Variants in PRUNE2 observed in about 807,000 individuals in gnomAD.
PRUNE2 encodes the protein prune homolog 2 with BCH domain.
In PRUNE2, 164 loss-of-function variants were observed where a neutral mutation model predicts 252.0. The ratio of observed to expected loss-of-function variants is 0.65; its 90% CI spans 0.57 to 0.74. The LOEUF (loss-of-function observed/expected upper bound fraction) is 0.74. Among genes scored for constraint, PRUNE2 ranks in the 30% least tolerant of loss-of-function variants. The pLI is 0.00. For missense variants in PRUNE2, 3,495 were observed against 3,711.0 expected (o/e 0.94, Z 1.51); for synonymous variants, 1,292 against 1,350.2 (o/e 0.96, Z 0.94).
At chr9:76,848,160 A>T (rs1305162645) in intron 3 of PRUNE2, among the ~76,000 whole-genome samples, 1 of 152,204 alleles carries the variant, frequency 6.6e-6, no homozygotes, top group Non-Finnish European at 1.5e-5. Context: ...GCTACTCAGG[A>T]GGCCGAGGCA....
chr9:76,722,224 A>ATT (rs57390775), intron 6 of PRUNE2, among the ~76,000 whole-genome samples: 1,522 of 130,546 alleles, frequency 0.012, 25 homozygotes, highest in African/African-American at 0.037. Context: ...ACACCCTGCT[A>ATT]TTTTTTTTTT....
intron 6 of PRUNE2, among the ~76,000 whole-genome samples, chr9:76,818,586 A>G (rs890243157): frequency 9.2e-5 from 14 of 152,146 alleles, no homozygotes; most frequent in African/African-American, 3.4e-4. Context: ...TCTGAGGCCC[A>G]GAGCACAGCA....
chr9:76,762,398 CAG>C (rs2051824739), intron 6 of PRUNE2, among the ~76,000 whole-genome samples: 1 of 152,272 alleles, frequency 6.6e-6, no homozygotes, highest in South Asian at 2.1e-4. Context: ...GAAATGTGCG[CAG>C]AGAGAGCAAC....
chr9:76,693,439 C>CTTTTTTTTTTTT lies in PRUNE2; in HGVS notation c.8276+9886_8276+9897dup, dbSNP rs550030416. Among the ~76,000 whole-genome samples the CTTTTTTTTTTTT allele has an allele frequency of 5.5e-4, 59 of 108,036 alleles. 4 individuals are homozygous for CTTTTTTTTTTTT. Among genetic ancestry groups the CTTTTTTTTTTTT allele is most frequent in the African/African-American group, 1.8e-3 (49 of 27,048 alleles). The allele number at this position is 108,036 out of a possible 152,430, so 70.9% of individuals were successfully genotyped here. A position where few individuals can be genotyped will look rare whatever the true frequency, so the allele number is the denominator to read the frequency against. ...TGCTTAAGAGATGTTAGCACCTACT[C>CTTTTTTTTTTTT]TTTTTTTTTTTTTTTTTTTTTGGAG... On this transcript the variant is annotated intron_variant, in intron 9 of 18. Transcript: ENST00000376718.
chr9:76,748,694 G>A (rs115590323), intron 6 of PRUNE2: 12 of 152,200 alleles, frequency 7.9e-5, no homozygotes, highest in African/African-American at 2.2e-4. Flanking sequence ...CAGTGGAGGC[G>A]TCTTAAATCT....
intron 9 of PRUNE2, among the ~76,000 whole-genome samples, chr9:76,685,444 T>G (rs182816718): frequency 3.8e-4 from 58 of 152,320 alleles, no homozygotes; most frequent in Non-Finnish European, 6.6e-4. Flanking sequence ...TCCTCCAAGA[T>G]TCTTATGTTG....
chr9:76,693,000 A>G (rs1454187272), intron 9 of PRUNE2: 1 of 79,458 alleles, frequency 1.3e-5, no homozygotes, highest in Non-Finnish European at 2.2e-5. Flanking sequence ...CCCCCCTCCA[A>G]AAAAAAAAAA....
intron 2 of PRUNE2, among the ~76,000 whole-genome samples, chr9:76,852,818 A>G (rs774188675): frequency 7.8e-5 from 3 of 38,614 alleles, no homozygotes; most frequent in Admixed American, 4.1e-4. Context: ...CTATCTATCT[A>G]TCTATCTATC....
chr9:76,716,137 A>C (rs1320328442), intron 6 of PRUNE2, among the ~76,000 whole-genome samples: 1 of 152,194 alleles, frequency 6.6e-6, no homozygotes, highest in Non-Finnish European at 1.5e-5. Flanking sequence ...TCTGAGCATA[A>C]GATTAAGAAT....
chr9:76,867,160 C>G (rs1039172621), intron 1 of PRUNE2, among the ~76,000 whole-genome samples: 8 of 152,022 alleles, frequency 5.3e-5, no homozygotes, highest in Non-Finnish European at 1.0e-4. Flanking sequence ...CCTTTCTCCT[C>G]CCCCACCAAC....
At chr9:76,697,015 A>C (rs1286418850) in intron 9 of PRUNE2, among the ~76,000 whole-genome samples, 1 of 151,884 alleles carries the variant, frequency 6.6e-6, no homozygotes, top group East Asian at 1.9e-4. Flanking sequence ...AATCTCTCAA[A>C]TTTTCCTAAT....
chr9:76,640,809 G>T (rs1045134581), intron 12 of PRUNE2, among the ~76,000 whole-genome samples: 2 of 152,140 alleles, frequency 1.3e-5, no homozygotes, highest in African/African-American at 4.8e-5. Flanking sequence ...AAAGACAGAC[G>T]TTCATTAAAA....
At chr9:76,677,426 T>C (rs574206986) in intron 9 of PRUNE2, among the ~76,000 whole-genome samples, 205 of 152,332 alleles carry the variant, frequency 1.3e-3, no homozygotes, top group African/African-American at 4.8e-3. Flanking sequence ...TTTAAGGCAT[T>C]GTTTTCCGTT....
intron 17 of PRUNE2, 76 bp downstream of exon 17, chr9:76,624,376 C>A: frequency 1.1e-6 from 1 of 950,232 alleles, no homozygotes; most frequent in South Asian, 3.2e-5. Flanking sequence ...AAACACCAGG[C>A]ATGCAGATTT....
At chr9:76,898,458 A>G (rs2062976995) in intron 1 of PRUNE2, among the ~76,000 whole-genome samples, 1 of 152,162 alleles carries the variant, frequency 6.6e-6, no homozygotes, top group Admixed American at 6.5e-5. Flanking sequence ...ATTCTCCATT[A>G]CTACAAAAAG....
At chr9:76,638,893 A>G (rs1324005247) in intron 12 of PRUNE2, among the ~76,000 whole-genome samples, 1 of 152,186 alleles carries the variant, frequency 6.6e-6, no homozygotes, top group Non-Finnish European at 1.5e-5. Context: ...ATCAACAGAC[A>G]GTGTGAGAAC....
chr9:76,689,250 T>C (rs1301078537), intron 9 of PRUNE2, among the ~76,000 whole-genome samples: 1 of 152,186 alleles, frequency 6.6e-6, no homozygotes, highest in Non-Finnish European at 1.5e-5. Flanking sequence ...CCCAAATGCA[T>C]ATGAGTTTAA....
Position 76,710,990 on chromosome 9 carries a change from G to A in PRUNE2, c.1284C>T (p.Ser428=), listed in dbSNP as rs367937883. The part of the protein sequence containing the change: ...DANVDLVSPD[S]GLATIRSSRS... ...GGCTGCTCCTAATGGTAGCCAGTCC[G>A]CTGTCTGGGCTAACAAGGTCTACAT... Residue 428 remains serine, a synonymous_variant, in exon 8 of 19, where the codon AGC becomes AGT. Transcript: ENST00000376718. 3.1e-5 allele frequency: 50 copies of A among 1,611,492 alleles called. No homozygotes were observed. Among genetic ancestry groups the A allele is most frequent in the Middle Eastern group, 1.6e-4 (1 of 6,070 alleles).
rs1207731615 is a variant in PRUNE2, at chr9:76,704,916, G to C, written c.7358C>G (p.Ser2453Cys). The C allele has an allele frequency of 1.2e-6, 2 of 1,611,762 alleles. No homozygotes were observed. Among genetic ancestry groups the C allele is most frequent in the Non-Finnish European group, 1.7e-6 (2 of 1,178,780 alleles). Residue 2453 changes from serine to cysteine, a missense_variant, in exon 8 of 19, where the codon TCC (serine) becomes TGC (cysteine). Ser to Cys is a moderately radical substitution (Grantham distance 112, BLOSUM62 -1). Coordinates refer to ENST00000376718, the MANE Select transcript of PRUNE2 (RefSeq NM_015225.3). Reference protein sequence around the residue: ...QAETKNRLPGSQLAVLHIRED... With the variant: ...QAETKNRLPGCQLAVLHIRED... Reference sequence around the variant, plus strand: ...ACGAATATGCAGCACAGCCAGCTGGGATCCAGGCAGTCTGTTTTTGGTCTC... The same window carrying C: ...ACGAATATGCAGCACAGCCAGCTGGCATCCAGGCAGTCTGTTTTTGGTCTC...
Sources: gnomAD v4.1 joint callset for allele counts (sites outside exome capture counted in the v4.1 genomes callset) on GRCh38, gnomAD v4.1.1 for gene constraint, MANE v1.5 for transcripts, NCBI Gene and HGNC (gene_info 2026-07-23, HGNC 2026-07-21) for gene names.